SHISA9: variants seen among roughly 807,000 people sequenced by gnomAD.
SHISA9 encodes the protein protein shisa-9.
SHISA9 carries 13 observed loss-of-function variants against 38.0 expected under a neutral mutation model. That is an observed-to-expected ratio of 0.34 (90% CI 0.22 to 0.54). SHISA9 has a LOEUF of 0.54. Among genes scored for constraint, SHISA9 ranks in the 20% least tolerant of loss-of-function variants. The pLI is 0.91. For missense variants in SHISA9, 538 were observed against 575.8 expected (o/e 0.93, Z 0.67); for synonymous variants, 275 against 242.0 (o/e 1.14, Z -1.27).
At chr16:13,451,039 C>T in the SHISA9 span, among the ~76,000 whole-genome samples, 1 of 152,154 alleles carries the variant, frequency 6.6e-6, no homozygotes, top group East Asian at 1.9e-4. Flanking sequence ...GCCACCAGAG[C>T]CTGCTCTGCC....
At chr16:13,132,722 G>A (rs1485461943) in intron 2 of SHISA9, among the ~76,000 whole-genome samples, 1 of 152,142 alleles carries the variant, frequency 6.6e-6, no homozygotes, top group African/African-American at 2.4e-5. Flanking sequence ...AAAATTAACA[G>A]GCAGTAAGGA....
At chr16:13,205,848 G>A (rs551375707) in intron 3 of SHISA9, among the ~76,000 whole-genome samples, 9 of 152,004 alleles carry the variant, frequency 5.9e-5, no homozygotes, top group Admixed American at 1.3e-4. Flanking sequence ...TGCAACATCC[G>A]TCTCCGGAGT....
chr16:13,374,148 T>A, the SHISA9 span, among the ~76,000 whole-genome samples: 1 of 152,000 alleles, frequency 6.6e-6, no homozygotes, highest in East Asian at 1.9e-4. Flanking sequence ...CTTTTTTTTG[T>A]TGTTTTTGTA....
At chr16:13,044,387 T>C (rs2073164503) in intron 2 of SHISA9, among the ~76,000 whole-genome samples, 2 of 152,350 alleles carry the variant, frequency 1.3e-5, no homozygotes, top group South Asian at 4.2e-4. Context: ...GGGCAAGTTA[T>C]TGAACCTTTC....
chr16:13,167,482 C>T (rs768900142), intron 2 of SHISA9, among the ~76,000 whole-genome samples: 5 of 152,160 alleles, frequency 3.3e-5, no homozygotes, highest in South Asian at 2.1e-4. Flanking sequence ...AACTCCTTGA[C>T]GTGGTCTGGA....
chr16:13,084,633 G>T (rs888405146), intron 2 of SHISA9, among the ~76,000 whole-genome samples: 1 of 152,190 alleles, frequency 6.6e-6, no homozygotes, highest in Non-Finnish European at 1.5e-5. Context: ...CCCTTCATGG[G>T]ATTTAAATGA....
At chr16:12,989,035 G>A (rs2072349938) in intron 2 of SHISA9, among the ~76,000 whole-genome samples, 1 of 152,128 alleles carries the variant, frequency 6.6e-6, no homozygotes, top group Non-Finnish European at 1.5e-5. Flanking sequence ...CAGCTCAGAA[G>A]ATGAGGTAAG....
At chr16:13,176,899 T>C (rs2050736218) in intron 2 of SHISA9, among the ~76,000 whole-genome samples, 1 of 152,172 alleles carries the variant, frequency 6.6e-6, no homozygotes, top group Admixed American at 6.5e-5. Context: ...GAAGCCATGA[T>C]GCTGAGTCGC....
In SHISA9 at chr16:13,025,541, G is replaced by T. The variant is rs911350333; in HGVS notation, c.691+108726G>T. On this transcript the variant is annotated intron_variant, in intron 2 of 4. Transcript: ENST00000558583. Reference sequence around the variant, plus strand: ...GAGGTGCTGACCTAATTGTTGAGGGGTGTGAACTGGGTTGAAATTCTTTAA... The same window carrying T: ...GAGGTGCTGACCTAATTGTTGAGGGTTGTGAACTGGGTTGAAATTCTTTAA... 4.6e-5 allele frequency among the ~76,000 whole-genome samples: 7 copies of T among 152,128 alleles called. 1 individual carries two copies. The highest frequency in any genetic ancestry group is 1.0e-4 in the Non-Finnish European group (7 of 68,038).
At chr16:13,084,367 A>G (rs189610473) in intron 2 of SHISA9, among the ~76,000 whole-genome samples, 1 of 152,240 alleles carries the variant, frequency 6.6e-6, no homozygotes, top group Non-Finnish European at 1.5e-5. Flanking sequence ...CCTGCTGCTT[A>G]GAACAAATCT....
chr16:13,296,207 CT>C, the SHISA9 span, among the ~76,000 whole-genome samples: 7 of 151,214 alleles, frequency 4.6e-5, no homozygotes, highest in Non-Finnish European at 1.0e-4. Flanking sequence ...GAAAAGACTT[CT>C]GCTTTTTTGT....
chr16:13,151,360 G>A (rs558946914), intron 2 of SHISA9, among the ~76,000 whole-genome samples: 113 of 152,248 alleles, frequency 7.4e-4, no homozygotes, highest in African/African-American at 2.6e-3. Flanking sequence ...ACCCACCTCA[G>A]CCTCCCAAAG....
the SHISA9 span, among the ~76,000 whole-genome samples, chr16:13,250,317 G>T: frequency 6.6e-6 from 1 of 152,138 alleles, no homozygotes; most frequent in Non-Finnish European, 1.5e-5. Context: ...GGTACAATTA[G>T]CAGTCCTGAG....
At chr16:13,165,077 T>C (rs139125397) in intron 2 of SHISA9, among the ~76,000 whole-genome samples, 2 of 152,318 alleles carry the variant, frequency 1.3e-5, no homozygotes, top group East Asian at 3.9e-4. Flanking sequence ...TCTCCATGTT[T>C]CTTGTGCTTG....
chr16:13,069,272 G>A (rs1179918643), intron 2 of SHISA9, among the ~76,000 whole-genome samples: 1 of 152,038 alleles, frequency 6.6e-6, no homozygotes, highest in Non-Finnish European at 1.5e-5. Context: ...TGCAATGTGT[G>A]CGTGTGTGTA....
the SHISA9 span, among the ~76,000 whole-genome samples, chr16:13,539,536 A>T: frequency 6.6e-6 from 1 of 151,746 alleles, no homozygotes. Flanking sequence ...CAGAAATTTA[A>T]GGGCTTTTAA....
the SHISA9 span, among the ~76,000 whole-genome samples, chr16:13,398,373 G>A: frequency 5.3e-3 from 803 of 152,200 alleles, 6 homozygotes; most frequent in African/African-American, 0.018. Context: ...GACTGCACAG[G>A]GAGTTGATAC....
intron 2 of SHISA9, among the ~76,000 whole-genome samples, chr16:12,970,359 A>ACATATATG (rs2072044207): frequency 1.2e-5 from 1 of 80,562 alleles, no homozygotes; most frequent in Non-Finnish European, 2.5e-5. Flanking sequence ...ATGTGTATAT[A>ACATATATG]TATATATATA....
the SHISA9 span, among the ~76,000 whole-genome samples, chr16:13,554,423 T>C: frequency 7.9e-5 from 12 of 152,010 alleles, no homozygotes; most frequent in East Asian, 2.1e-3. Context: ...TACTCTATTA[T>C]AAATTAATGA....
Sources: allele counts gnomAD v4.1 joint callset (sites outside exome capture counted in the v4.1 genomes callset), GRCh38; gene constraint gnomAD v4.1.1; transcripts MANE v1.5; gene names NCBI Gene and HGNC (gene_info 2026-07-23, HGNC 2026-07-21).